The following RANBP2 variants were observed in gnomAD, a reference collection of about 807,000 sequenced individuals.
RANBP2 encodes E3 SUMO-protein ligase RanBP2.
RANBP2 carries 57 observed loss-of-function variants against 303.6 expected under a neutral mutation model. The observed-to-expected ratio is 0.19, with a 90% CI of 0.15 to 0.23. RANBP2 has a LOEUF of 0.23. Ranked by LOEUF, RANBP2 falls within the 10% of genes least tolerant of loss-of-function variation. The probability of loss-of-function intolerance (pLI) is 1.00; values close to 1 mark genes in which losing one functional copy is unlikely to be tolerated. For missense variants in RANBP2, 3,138 were observed against 3,780.8 expected (o/e 0.83, Z 4.46); for synonymous variants, 1,167 against 1,301.5 (o/e 0.90, Z 2.23).
At chr2:109,350,898 G>A in the RANBP2 span, among the ~76,000 whole-genome samples, 32 of 152,178 alleles carry the variant, frequency 2.1e-4, no homozygotes, top group African/African-American at 7.2e-4. Context: ...AAGCTACAAT[G>A]GTATAACCTG....
chr2:109,243,985 CA>C, the RANBP2 span, among the ~76,000 whole-genome samples: 2 of 152,180 alleles, frequency 1.3e-5, no homozygotes, highest in Non-Finnish European at 2.9e-5. Flanking sequence ...CTGCCCAGCT[CA>C]TGTGCTCATA....
chr2:108,837,344 T>TA, the RANBP2 span, among the ~76,000 whole-genome samples: 1 of 152,336 alleles, frequency 6.6e-6, no homozygotes, highest in East Asian at 1.9e-4. Flanking sequence ...CACCAGTTTT[T>TA]AAAAATGTTG....
chr2:108,936,316 C>A, the RANBP2 span, among the ~76,000 whole-genome samples: 2 of 152,252 alleles, frequency 1.3e-5, no homozygotes, highest in Non-Finnish European at 2.9e-5. Context: ...GCTTACCTGG[C>A]CTGGCCCAGC....
At chr2:109,640,795 G>A in the RANBP2 span, among the ~76,000 whole-genome samples, 1 of 152,246 alleles carries the variant, frequency 6.6e-6, no homozygotes, top group East Asian at 1.9e-4. Context: ...CCTAAGCCTG[G>A]AGACTGAGCA....
chr2:108,781,738 C>T (rs1249659946), intron 26 of RANBP2, among the ~76,000 whole-genome samples: 1 of 152,066 alleles, frequency 6.6e-6, no homozygotes, highest in Non-Finnish European at 1.5e-5. Flanking sequence ...CACTAAAGTC[C>T]TTTCAATAAA....
At chr2:109,451,705 A>G in the RANBP2 span, among the ~76,000 whole-genome samples, 12,872 of 152,296 alleles carry the variant, frequency 0.085, 731 homozygotes, top group African/African-American at 0.16. Flanking sequence ...TATATCAGCA[A>G]AGAACAGTTG....
the RANBP2 span, among the ~76,000 whole-genome samples, chr2:108,872,490 C>A: frequency 1.4e-4 from 21 of 152,208 alleles, no homozygotes; most frequent in African/African-American, 4.6e-4. Context: ...CCATTCCTAG[C>A]ATATACCACT....
chr2:109,134,616 G>A, the RANBP2 span, among the ~76,000 whole-genome samples: 5 of 152,188 alleles, frequency 3.3e-5, no homozygotes, highest in Non-Finnish European at 5.9e-5. Context: ...TAGTTACACA[G>A]GTACGGAAAT....
At chr2:109,366,146 A>G in the RANBP2 span, among the ~76,000 whole-genome samples, 110 of 152,320 alleles carry the variant, frequency 7.2e-4, no homozygotes, top group African/African-American at 2.5e-3. Flanking sequence ...AAATTTTGGC[A>G]TATATATTTT....
the RANBP2 span, among the ~76,000 whole-genome samples, chr2:109,734,025 A>C: frequency 6.6e-6 from 1 of 152,080 alleles, no homozygotes; most frequent in African/African-American, 2.4e-5. Flanking sequence ...CAAAAAATGC[A>C]AAAATTAGTC....
At chr2:108,943,613 T>G in the RANBP2 span, among the ~76,000 whole-genome samples, 1 of 152,092 alleles carries the variant, frequency 6.6e-6, no homozygotes, top group South Asian at 2.1e-4. Flanking sequence ...AGGACTCACT[T>G]CCGAGCACAA....
chr2:109,279,977 T>C, the RANBP2 span, among the ~76,000 whole-genome samples: 1 of 152,088 alleles, frequency 6.6e-6, no homozygotes, highest in Non-Finnish European at 1.5e-5. Flanking sequence ...ACACACCCCC[T>C]GGGCCACGGT....
chr2:109,429,465 A>G, the RANBP2 span, among the ~76,000 whole-genome samples: 1 of 152,196 alleles, frequency 6.6e-6, no homozygotes, highest in Admixed American at 6.5e-5. Flanking sequence ...AAAATTTAAG[A>G]TGAAGAGGCC....
the RANBP2 span, among the ~76,000 whole-genome samples, chr2:109,591,454 T>C: frequency 6.6e-6 from 1 of 152,210 alleles, no homozygotes. Flanking sequence ...CTAGTGACTC[T>C]GACAGTAATC....
the RANBP2 span, among the ~76,000 whole-genome samples, chr2:109,686,353 C>T: frequency 3.3e-5 from 5 of 152,152 alleles, no homozygotes; most frequent in Non-Finnish European, 7.4e-5. Flanking sequence ...CTTACTCTGC[C>T]GCCCAGGCTG....
chr2:109,305,266 C>T, the RANBP2 span, among the ~76,000 whole-genome samples: 2 of 152,148 alleles, frequency 1.3e-5, no homozygotes, highest in Admixed American at 1.3e-4. Context: ...TTCAGTGATT[C>T]ATTCCAGACT....
At chr2:109,305,239 G>A in the RANBP2 span, among the ~76,000 whole-genome samples, 55 of 152,280 alleles carry the variant, frequency 3.6e-4, no homozygotes, top group African/African-American at 1.2e-3. Flanking sequence ...ACCTGCTGAC[G>A]GTTTCCCCCT....
chr2:108,781,805 A>AT, intron 26 of RANBP2, among the ~76,000 whole-genome samples: 1 of 152,162 alleles, frequency 6.6e-6, no homozygotes, highest in Non-Finnish European at 1.5e-5. Flanking sequence ...TTACTTTGTC[A>AT]TTTTTTAACC....
At chr2:109,206,807 A>G in the RANBP2 span, among the ~76,000 whole-genome samples, 1 of 152,190 alleles carries the variant, frequency 6.6e-6, no homozygotes, top group Admixed American at 6.5e-5. Context: ...CAAGAGAGAG[A>G]CACTATTAGT....
Sources: gnomAD v4.1 joint callset for allele counts (sites outside exome capture counted in the v4.1 genomes callset) on GRCh38, gnomAD v4.1.1 for gene constraint, MANE v1.5 for transcripts, NCBI Gene and HGNC (gene_info 2026-07-23, HGNC 2026-07-21) for gene names.